The following MAGI2 variants were observed in gnomAD, a reference collection of about 807,000 sequenced individuals.
MAGI2 encodes membrane associated guanylate kinase, WW and PDZ domain containing 2, also known as membrane-associated guanylate kinase, WW and PDZ domain-containing protein 2.
MAGI2 carries 35 observed loss-of-function variants against 133.3 expected under a neutral mutation model. That is an observed-to-expected ratio of 0.26 (90% CI 0.20 to 0.35). The LOEUF (loss-of-function observed/expected upper bound fraction) is 0.35, where lower values mean the gene tolerates loss of function less well. MAGI2 is among the 10% of genes least tolerant of loss of function. MAGI2 has a pLI of 1.00. For missense variants in MAGI2, 1,636 were observed against 1,863.4 expected, an observed-to-expected ratio of 0.88 and a Z score of 2.25; for synonymous variants, 729 against 710.6, an observed-to-expected ratio of 1.03 and a Z score of -0.41.
chr7:78,555,170 A>AAATAAATAAATAAATAAATG (rs1163688347), intron 3 of MAGI2, among the ~76,000 whole-genome samples: 17 of 66,112 alleles, frequency 2.6e-4, no homozygotes, highest in African/African-American at 4.9e-4. Flanking sequence ...ATAAATAAAT[A>AAATAAATAAATAAATAAATG]AATGAATGAT....
At chr7:78,796,413 A>T (rs992544602) in intron 2 of MAGI2, among the ~76,000 whole-genome samples, 2 of 152,130 alleles carry the variant, frequency 1.3e-5, no homozygotes, top group African/African-American at 4.8e-5. Flanking sequence ...TCAGGTAAAC[A>T]CAAATCAAAA....
intron 1 of MAGI2, among the ~76,000 whole-genome samples, chr7:79,386,493 T>TA (rs967102285): frequency 2.0e-5 from 3 of 151,656 alleles, no homozygotes; most frequent in Admixed American, 6.6e-5. Context: ...TTATGATAAC[T>TA]AAAAAAAAGA....
At chr7:79,094,590 A>G (rs1278629794) in intron 1 of MAGI2, among the ~76,000 whole-genome samples, 1 of 152,206 alleles carries the variant, frequency 6.6e-6, no homozygotes, top group Admixed American at 6.5e-5. Context: ...TGTCTATGGA[A>G]GCTATAGCCT....
At chr7:79,395,516 T>C (rs1844984124) in intron 1 of MAGI2, among the ~76,000 whole-genome samples, 1 of 152,164 alleles carries the variant, frequency 6.6e-6, no homozygotes, top group South Asian at 2.1e-4. Context: ...CTTCTCCACA[T>C]CTTCCAGAGA....
At chr7:78,049,692 A>G (rs560923479) in intron 21 of MAGI2, among the ~76,000 whole-genome samples, 2 of 152,308 alleles carry the variant, frequency 1.3e-5, no homozygotes, top group Non-Finnish European at 2.9e-5. Flanking sequence ...TGTGAACTTG[A>G]TAAACAAAAC....
At chr7:78,760,866 G>T (rs1374404647) in intron 2 of MAGI2, among the ~76,000 whole-genome samples, 5 of 152,134 alleles carry the variant, frequency 3.3e-5, no homozygotes, top group Non-Finnish European at 5.9e-5. Flanking sequence ...ACACCTAAAA[G>T]ATTATATTGG....
At chr7:79,182,300 A>G (rs1261881223) in intron 1 of MAGI2, among the ~76,000 whole-genome samples, 3 of 152,068 alleles carry the variant, frequency 2.0e-5, no homozygotes, top group Non-Finnish European at 4.4e-5. Flanking sequence ...GGGAGGCCTC[A>G]CAATCATGGA....
chr7:78,461,911 C>T (rs566884431), intron 6 of MAGI2, among the ~76,000 whole-genome samples: 3 of 34,516 alleles, frequency 8.7e-5, no homozygotes, highest in African/African-American at 2.7e-4. Flanking sequence ...AGCAAAATTC[C>T]GTCTCAAAAA....
At chr7:78,383,426 A>T (rs868567298) in intron 6 of MAGI2, among the ~76,000 whole-genome samples, 1 of 151,780 alleles carries the variant, frequency 6.6e-6, no homozygotes, top group Non-Finnish European at 1.5e-5. Flanking sequence ...AGAACTGTCT[A>T]TTCATATCAT....
At chr7:78,713,526 TCA>T (rs975409682) in intron 2 of MAGI2, among the ~76,000 whole-genome samples, 18 of 152,262 alleles carry the variant, frequency 1.2e-4, no homozygotes, top group African/African-American at 4.3e-4. Context: ...ATTGACAGAC[TCA>T]GTCTTACAGA....
At chr7:78,497,722 T>TTCTTTCTA (rs1554442339) in intron 5 of MAGI2, among the ~76,000 whole-genome samples, 3 of 97,202 alleles carry the variant, frequency 3.1e-5, no homozygotes, top group African/African-American at 1.8e-4. Flanking sequence ...GAAATAACTA[T>TTCTTTCTA]TCTATCTATC....
At chr7:78,350,374 T>C (rs545728498) in intron 7 of MAGI2, 2 of 152,156 alleles carry the variant, frequency 1.3e-5, no homozygotes, top group African/African-American at 2.4e-5. Flanking sequence ...CTACCCTAAA[T>C]CAACTGATTC....
intron 21 of MAGI2, among the ~76,000 whole-genome samples, chr7:78,025,225 C>A (rs924773356): frequency 6.6e-6 from 1 of 152,172 alleles, no homozygotes; most frequent in Non-Finnish European, 1.5e-5. Context: ...GAAGGCTTCC[C>A]CACAACTATC....
Position 78,431,038 on chromosome 7 carries a change from A to G in MAGI2, c.1045+58723T>C, listed in dbSNP as rs139812118. On this transcript the variant is annotated intron_variant, in intron 6 of 21. Transcript: ENST00000354212. The stretch of plus-strand genomic sequence containing the variant: ...GGTATTATAGACTTATAGCTTCTCT[A>G]TGAGCTGAATTGCCTGTTGGAATCA... Among the ~76,000 whole-genome samples, 271 of 151,276 alleles carry G rather than the reference A, an allele frequency of 1.8e-3. 5 individuals carry two copies. In the East Asian group the frequency reaches 0.049, roughly 28 times the overall value.
At chr7:79,375,076 TC>T (rs1257781157) in intron 1 of MAGI2, among the ~76,000 whole-genome samples, 3 of 151,970 alleles carry the variant, frequency 2.0e-5, no homozygotes, top group African/African-American at 7.2e-5. Flanking sequence ...TTCTACCTAT[TC>T]ATAATGTTCT....
chr7:78,284,787 G>C (rs1165784569), intron 9 of MAGI2, among the ~76,000 whole-genome samples: 1 of 152,012 alleles, frequency 6.6e-6, no homozygotes. Context: ...CATTAACAAA[G>C]GGACCTTGAT....
intron 1 of MAGI2, among the ~76,000 whole-genome samples, chr7:79,273,554 G>A (rs554107759): frequency 6.6e-6 from 1 of 151,948 alleles, no homozygotes; most frequent in Non-Finnish European, 1.5e-5. Flanking sequence ...GGTTTTCATT[G>A]ATCAGCCTGA....
intron 2 of MAGI2, among the ~76,000 whole-genome samples, chr7:78,666,795 T>A (rs892316145): frequency 6.6e-6 from 1 of 152,190 alleles, no homozygotes; most frequent in Non-Finnish European, 1.5e-5. Flanking sequence ...GATTCAAAGG[T>A]AGCGAATGCT....
At chr7:78,020,942 C>G (rs1028842134) in intron 21 of MAGI2, among the ~76,000 whole-genome samples, 2 of 152,100 alleles carry the variant, frequency 1.3e-5, no homozygotes, top group African/African-American at 4.8e-5. Context: ...TCTAGGAAGT[C>G]TAGTTCCAAC....
Sources: gnomAD v4.1 joint callset for allele counts (sites outside exome capture counted in the v4.1 genomes callset) on GRCh38, gnomAD v4.1.1 for gene constraint, MANE v1.5 for transcripts, NCBI Gene and HGNC (gene_info 2026-07-23, HGNC 2026-07-21) for gene names.